The following HERC1 variants were observed in gnomAD, a reference collection of about 807,000 sequenced individuals.
HERC1 encodes the protein probable E3 ubiquitin-protein ligase HERC1.
Under a neutral mutation model 554.3 loss-of-function variants are expected in HERC1, and 160 were observed. The observed-to-expected ratio is 0.29, with a 90% CI of 0.25 to 0.33. HERC1 has a LOEUF of 0.33. HERC1 is among the 10% of genes least tolerant of loss of function. The probability of loss-of-function intolerance (pLI) is 1.00; values close to 1 mark genes in which losing one functional copy is unlikely to be tolerated. For missense variants in HERC1, 4,919 were observed against 5,918.5 expected, an observed-to-expected ratio of 0.83 and a Z score of 5.54; for synonymous variants, 2,175 against 2,131.7, an observed-to-expected ratio of 1.02 and a Z score of -0.56.
chr15:63,641,616 C>G lies in HERC1; in HGVS notation c.11461G>C (p.Glu3821Gln). 1.3e-6 allele frequency: 2 copies of G among 1,571,400 alleles called. No homozygotes were observed. The highest frequency in any genetic ancestry group is 1.7e-6 in the Non-Finnish European group (2 of 1,156,316). Residue 3821 changes from glutamate (E) to glutamine (Q), a missense_variant, in exon 60 of 78, where the codon GAA (glutamate) becomes CAA (glutamine). Around this residue, in one of 11 missense-constraint regions of HERC1, gnomAD observed 1,963 missense variants for 2,228.6 expected, o/e 0.88. Coordinates refer to ENST00000443617, the MANE Select transcript of HERC1 (RefSeq NM_003922.4). Reference sequence around the variant, plus strand: ...AAAACATGATTGGCAGCTGCCCATTCTGCTGTACAATTCACGACCAAAACA... The same window carrying G: ...AAAACATGATTGGCAGCTGCCCATTGTGCTGTACAATTCACGACCAAAACA... ...KDVLVVNCTA[E>Q]WAAANHVLAT...
chr15:63,645,587 T>G lies in HERC1; in HGVS notation c.10974A>C (p.Gly3658=), dbSNP rs956147220. ...DSVKLWGSIS[G]CWCCLHSLCH... is the part of the protein sequence containing the mutation. ...AGAGTGAATGTAGACAGCACCAGCATCCCGAAATAGAGCCCCAGAGTTTCA... is the reference window on the plus strand; with the variant it reads ...AGAGTGAATGTAGACAGCACCAGCAGCCCGAAATAGAGCCCCAGAGTTTCA... The change falls in exon 56 of 78, where the codon GGA becomes GGC. Residue 3658 remains glycine, a synonymous_variant. Coordinates refer to ENST00000443617, the MANE Select transcript of HERC1 (RefSeq NM_003922.4). 3 of 1,613,296 alleles carry G rather than the reference T, an allele frequency of 1.9e-6. No homozygotes were observed. The African/African-American group carries it at 4.0e-5, about 22-fold the overall frequency.
chr15:63,769,699 T>TA (rs2075891118), intron 2 of HERC1, among the ~76,000 whole-genome samples: 1 of 151,486 alleles, frequency 6.6e-6, no homozygotes, highest in Non-Finnish European at 1.5e-5. Context: ...ACTAAAAATA[T>TA]AAAAAAATTA....
Position 63,625,874 on chromosome 15 carries a change from G to T in HERC1, c.13275+111C>A. On this transcript the variant is annotated intron_variant, in intron 71 of 77. Transcript: ENST00000443617. ...ATAGAAGTGTTATCTTATTAGCCAT[G>T]AAAGAATTTTCCAAAGGCAGAGGGA... The T allele has an allele frequency of 5.5e-6, 6 of 1,097,382 alleles. No individual in the cohort carries two copies. In the South Asian group the frequency reaches 8.1e-5, roughly 15 times the overall value. The allele number at this position is 1,097,382 out of a possible 1,614,324, so 68.0% of individuals were successfully genotyped here. A position where few individuals can be genotyped will look rare whatever the true frequency, so the allele number is the denominator to read the frequency against.
chr15:63,677,467 A>T lies in HERC1; in HGVS notation c.7070+378T>A, dbSNP rs2071268067. On this transcript the variant is annotated intron_variant, in intron 37 of 77. Coordinates refer to ENST00000443617, the MANE Select transcript of HERC1 (RefSeq NM_003922.4). This position sits in a 1 kb window ranked among gnomAD's most constrained non-coding sequence, Gnocchi z 4.4. ...ATATTCAGAGCCTTGCTACCACAAAATGCAATGAACAGATTAGCTGGCTGG... is the reference window on the plus strand; with the variant it reads ...ATATTCAGAGCCTTGCTACCACAAATTGCAATGAACAGATTAGCTGGCTGG... 6.6e-6 allele frequency among the ~76,000 whole-genome samples: 1 copy of T among 152,230 alleles called. No individual in the cohort carries two copies. The highest frequency in any genetic ancestry group is 2.4e-5 in the African/African-American group (1 of 41,470).
chr15:63,639,378 G>C (rs962850799), intron 61 of HERC1, among the ~76,000 whole-genome samples: 2 of 152,128 alleles, frequency 1.3e-5, no homozygotes, highest in African/African-American at 4.8e-5. Flanking sequence ...TGTAGCCTAG[G>C]AGTAATCAGA....
chr15:63,826,807 AAAAAAAAATAT>A (rs1368247357), intron 1 of HERC1, among the ~76,000 whole-genome samples: 9 of 68,216 alleles, frequency 1.3e-4, no homozygotes, highest in Non-Finnish European at 1.2e-4. Context: ...AAAAAAAAAA[AAAAAAAAATAT>A]ATATATATAT....
chr15:63,632,736 C>T lies in HERC1; in HGVS notation c.12769G>A (p.Asp4257Asn), dbSNP rs565577451. Residue 4257 changes from aspartate (D) to asparagine (N), a missense_variant, in exon 68 of 78, where the codon GAT becomes AAT. By Grantham distance (23) the Asp-to-Asn change is conservative. This residue lies in a region of HERC1 where 410 missense variants were observed against 467.0 expected (regional missense o/e 0.88). Transcript: ENST00000443617. ...TGACCAAAGGTATACACATGACCATCTTTGGTCAAAGCAACAGAAAACTGA... is the reference window on the plus strand; with the variant it reads ...TGACCAAAGGTATACACATGACCATTTTTGGTCAAAGCAACAGAAAACTGA... ...GTQFSVALTK[D>N]GHVYTFGQDR... 29 of 1,564,188 alleles carry T rather than the reference C, an allele frequency of 1.9e-5. No individual in the cohort carries two copies. Among genetic ancestry groups the T allele is most frequent in the Non-Finnish European group, 2.5e-5 (29 of 1,152,700 alleles).
chr15:63,814,598 A>G (rs955547016), intron 1 of HERC1, among the ~76,000 whole-genome samples: 2 of 152,176 alleles, frequency 1.3e-5, no homozygotes, highest in African/African-American at 4.8e-5. Context: ...CTGGGATTAC[A>G]GGCGTGCACC....
chr15:63,785,969 G>T (rs989605999), intron 1 of HERC1, among the ~76,000 whole-genome samples: 1 of 152,130 alleles, frequency 6.6e-6, no homozygotes, highest in Admixed American at 6.5e-5. Context: ...GCCTCCCAAA[G>T]TGCTGGGATT....
At chr15:63,689,778 T>C in intron 32 of HERC1, 79 bp from the exon 33 acceptor site, 1 of 779,762 alleles carries the variant, frequency 1.3e-6, no homozygotes, top group Non-Finnish European at 2.1e-6. Context: ...TCATGTTAAC[T>C]GTAATATTAA....
At chr15:63,764,220 G>A (rs373601092) in intron 2 of HERC1, 29 bp from the exon 3 acceptor site, 56 of 1,466,128 alleles carry the variant, frequency 3.8e-5, no homozygotes, top group South Asian at 3.2e-4. Context: ...GGGACACAGC[G>A]TAGGAAGGGG....
At chr15:63,774,471 A>G (rs140304406) in intron 2 of HERC1, among the ~76,000 whole-genome samples, 53 of 152,300 alleles carry the variant, frequency 3.5e-4, no homozygotes, top group African/African-American at 1.3e-3. Context: ...CACAAAGCTA[A>G]AACTATAAAC....
Position 63,727,871 on chromosome 15 carries a change from T to C in HERC1, c.3155-33A>G, listed in dbSNP as rs774442513. 3 of 1,563,770 alleles carry C rather than the reference T, an allele frequency of 1.9e-6. No individual in the cohort carries two copies. The highest frequency in any genetic ancestry group is 2.6e-6 in the Non-Finnish European group (3 of 1,140,592). On this transcript the variant is annotated intron_variant, in intron 16 of 77. Coordinates refer to ENST00000443617, the MANE Select transcript of HERC1 (RefSeq NM_003922.4). This position sits in a 1 kb window ranked among gnomAD's most constrained non-coding sequence, Gnocchi z 4.3. ...GGGCAAGAAATTAAACATGGGACAA[T>C]TGCTTCAAATGAACTTTAAAAAAAG...
chr15:63,642,972 G>A lies in HERC1; in HGVS notation c.11418C>T (p.Cys3806=), dbSNP rs755030172. 1.6e-5 allele frequency: 25 copies of A among 1,597,758 alleles called. 1 individual carries two copies. The South Asian group carries it at 2.6e-4, about 17-fold the overall frequency. ...VWIPEVGVAA[C]SNRSKDVLVV... ...ACAATATTACCTTTGATCTATTTGA[G>A]CAAGCAGCTACTCCAACTTCTGGAA... The change falls in exon 59 of 78, where the codon TGC becomes TGT. Residue 3806 remains cysteine, a synonymous_variant. Coordinates refer to ENST00000443617, the MANE Select transcript of HERC1 (RefSeq NM_003922.4).
chr15:63,773,790 C>T (rs578117210), intron 2 of HERC1, among the ~76,000 whole-genome samples: 35 of 152,178 alleles, frequency 2.3e-4, no homozygotes, highest in African/African-American at 7.7e-4. Flanking sequence ...GTGATCCACC[C>T]TCCTGAGCTT....
chr15:63,713,681 C>G lies in HERC1; in HGVS notation c.4151-16G>C. 1 of 1,594,806 alleles carries G rather than the reference C, an allele frequency of 6.3e-7. No individual in the cohort carries two copies. The highest frequency in any genetic ancestry group is 8.6e-7 in the Non-Finnish European group (1 of 1,168,808). ...TGAAAGATTTCTGTAACATGCAACA[C>G]AAAAACAAGGTCTTAACACATGGGG... On this transcript the variant is annotated splice_polypyrimidine_tract_variant and intron_variant, in intron 22 of 77. Transcript: ENST00000443617.
At chr15:63,782,571 T>C (rs2076318815) in intron 1 of HERC1, among the ~76,000 whole-genome samples, 1 of 152,252 alleles carries the variant, frequency 6.6e-6, no homozygotes, top group Admixed American at 6.5e-5. Flanking sequence ...AGATTCATGT[T>C]GTGTTCATGC....
intron 24 of HERC1, 99 bp from the exon 25 acceptor site, chr15:63,706,930 A>G: frequency 1.4e-6 from 1 of 730,632 alleles, no homozygotes; most frequent in East Asian, 2.8e-5. Context: ...ATGTAATTAC[A>G]GCAATGTCTT....
chr15:63,801,004 G>A (rs997476034), intron 1 of HERC1, among the ~76,000 whole-genome samples: 12 of 152,274 alleles, frequency 7.9e-5, no homozygotes, highest in Middle Eastern at 6.8e-3. Context: ...CCAAGCCTAC[G>A]TAATGCAGCT....
Sources: gnomAD v4.1 joint callset for allele counts (sites outside exome capture counted in the v4.1 genomes callset) on GRCh38, gnomAD v4.1.1 for gene constraint, gnomAD v4.1.1 regional missense constraint, Gnocchi (gnomAD v3.1) non-coding constraint, MANE v1.5 for transcripts, NCBI Gene and HGNC (gene_info 2026-07-23, HGNC 2026-07-21) for gene names.